Variants in IPMK observed in about 807,000 individuals in gnomAD.
The protein encoded by IPMK is inositol 1,3,4,6-tetrakisphosphate 5-kinase.
In IPMK, 17 loss-of-function variants were observed where a neutral mutation model predicts 45.8. The observed-to-expected ratio is 0.37, with a 90% CI of 0.25 to 0.56. IPMK has a LOEUF of 0.56. IPMK is among the 20% of genes least tolerant of loss of function. IPMK has a pLI of 0.79. For synonymous variants in IPMK, 180 were observed against 184.3 expected (o/e 0.98, Z 0.19); for missense variants, 399 against 498.0 (o/e 0.80, Z 1.89).
chr10:58,257,748 C>T (rs1163864360), intron 1 of IPMK, among the ~76,000 whole-genome samples: 1 of 152,032 alleles, frequency 6.6e-6, no homozygotes, highest in Non-Finnish European at 1.5e-5. Flanking sequence ...GCAATTATTG[C>T]TCATAAGAAC....
At chr10:58,252,098 T>C (rs148819804) in intron 1 of IPMK, among the ~76,000 whole-genome samples, 37 of 152,314 alleles carry the variant, frequency 2.4e-4, no homozygotes, top group African/African-American at 8.2e-4. Context: ...GATTTTTTTC[T>C]AGCAGTATGT....
At chr10:58,249,266 G>T (rs1002036958) in intron 1 of IPMK, among the ~76,000 whole-genome samples, 2 of 152,110 alleles carry the variant, frequency 1.3e-5, no homozygotes, top group African/African-American at 2.4e-5. Flanking sequence ...TGTAACACAG[G>T]CTGGACTGCA....
chr10:58,242,492 A>G (rs1188042868), intron 1 of IPMK, among the ~76,000 whole-genome samples: 1 of 151,640 alleles, frequency 6.6e-6, no homozygotes, highest in Admixed American at 6.6e-5. Flanking sequence ...AAAACAAAAG[A>G]CAAGTGTGTC....
At chr10:58,254,844 T>C (rs1157573139) in intron 1 of IPMK, among the ~76,000 whole-genome samples, 2 of 152,244 alleles carry the variant, frequency 1.3e-5, no homozygotes, top group East Asian at 1.9e-4. Context: ...AGAAGACTTA[T>C]AGTGAACATT....
intron 4 of IPMK, among the ~76,000 whole-genome samples, chr10:58,201,009 A>T (rs1475919004): frequency 1.3e-5 from 2 of 152,228 alleles, no homozygotes; most frequent in Non-Finnish European, 2.9e-5. Flanking sequence ...AAATAGAGAA[A>T]AAAAACTGTT....
intron 1 of IPMK, among the ~76,000 whole-genome samples, chr10:58,258,296 G>A (rs907997097): frequency 3.4e-5 from 5 of 148,058 alleles, no homozygotes; most frequent in African/African-American, 5.2e-5. Context: ...GCGACGGAGC[G>A]AGATTCCATC....
chr10:58,245,789 G>A (rs370988574), intron 1 of IPMK, among the ~76,000 whole-genome samples: 1 of 149,358 alleles, frequency 6.7e-6, no homozygotes, highest in Non-Finnish European at 1.5e-5. Flanking sequence ...ACATAGTGTT[G>A]AAAGTTCTGG....
At position 58,196,972 on chromosome 10, in the gene IPMK, T is replaced by G. The variant is rs531112376; in HGVS notation, c.629-274A>C. 4.6e-5 allele frequency among the ~76,000 whole-genome samples: 7 copies of G among 152,322 alleles called. No individual in the cohort carries two copies. The East Asian group carries it at 1.2e-3, about 25-fold the overall frequency. On this transcript the variant is annotated intron_variant, in intron 5 of 5. Coordinates refer to ENST00000373935, the MANE Select transcript of IPMK (RefSeq NM_152230.5). ...AAAAGGAAATTTATTACAGGTAGAC[T>G]GGTAGTTTACTTCTCTCACTATATT...
intron 2 of IPMK, among the ~76,000 whole-genome samples, chr10:58,231,281 C>T (rs970689755): frequency 6.6e-6 from 1 of 152,162 alleles, no homozygotes; most frequent in Non-Finnish European, 1.5e-5. Flanking sequence ...AGAACTTCCC[C>T]AATCTAGCAA....
chr10:58,267,377 C>A (rs754646873), intron 1 of IPMK, 45 bp downstream of exon 1: 1 of 1,597,940 alleles, frequency 6.3e-7, no homozygotes, highest in South Asian at 1.1e-5. Flanking sequence ...AGGGGGCTCG[C>A]ACAGGCGGAA....
chr10:58,213,407 G>A (rs1446122347), intron 4 of IPMK, among the ~76,000 whole-genome samples: 2 of 152,218 alleles, frequency 1.3e-5, no homozygotes, highest in Non-Finnish European at 2.9e-5. Context: ...AATAGAGGCT[G>A]GGCGCGGTGG....
intron 4 of IPMK, among the ~76,000 whole-genome samples, chr10:58,201,650 A>C (rs1459720985): frequency 6.6e-6 from 1 of 152,178 alleles, no homozygotes; most frequent in Non-Finnish European, 1.5e-5. Flanking sequence ...ATGGCCTCTA[A>C]GTGTTCAATG....
chr10:58,203,212 A>G (rs1838021942), intron 4 of IPMK, among the ~76,000 whole-genome samples: 1 of 152,214 alleles, frequency 6.6e-6, no homozygotes, highest in African/African-American at 2.4e-5. Context: ...GATGTGGTAG[A>G]AAGAGCAAGT....
At chr10:58,201,860 A>G (rs1334639077) in intron 4 of IPMK, among the ~76,000 whole-genome samples, 1 of 152,224 alleles carries the variant, frequency 6.6e-6, no homozygotes, top group African/African-American at 2.4e-5. Context: ...AGAAAGTGAA[A>G]CAGCCTTACT....
chr10:58,263,771 C>T (rs1297368831), intron 1 of IPMK, among the ~76,000 whole-genome samples: 2 of 152,188 alleles, frequency 1.3e-5, no homozygotes, highest in African/African-American at 2.4e-5. Flanking sequence ...CAAAGGGCAG[C>T]TATTGTTGGC....
At chr10:58,224,790 A>C (rs1349921261) in intron 3 of IPMK, among the ~76,000 whole-genome samples, 2 of 152,222 alleles carry the variant, frequency 1.3e-5, no homozygotes, top group African/African-American at 2.4e-5. Context: ...TAATGTCATT[A>C]GTTTTAGACT....
intron 1 of IPMK, among the ~76,000 whole-genome samples, chr10:58,267,151 C>G (rs564829921): frequency 6.6e-6 from 1 of 152,224 alleles, no homozygotes; most frequent in Non-Finnish European, 1.5e-5. Context: ...CAATCAACAC[C>G]CAACCTCCCT....
intron 1 of IPMK, among the ~76,000 whole-genome samples, chr10:58,242,038 C>T (rs936955754): frequency 1.3e-5 from 2 of 151,866 alleles, no homozygotes; most frequent in African/African-American, 4.8e-5. Flanking sequence ...TACAGTCCTA[C>T]ACATGATGCC....
In IPMK at chr10:58,193,669, C is replaced by T. The variant is rs181876022; in HGVS notation, c.*2407G>A. The T allele has an allele frequency of 1.3e-3, 198 of 151,656 alleles. No homozygotes were observed. Among genetic ancestry groups the T allele is most frequent in the African/African-American group, 4.5e-3 (188 of 41,428 alleles). 9.4% of individuals were successfully genotyped at this position (151,656 alleles called of 1,614,324 possible). ...CATAAGAAATACACTAAAATCATTA[C>T]TTATGTTTCATAGGGGAAAAAAAAC... On this transcript the variant is annotated 3_prime_UTR_variant, in exon 6 of 6. Coordinates refer to ENST00000373935, the MANE Select transcript of IPMK (RefSeq NM_152230.5).
Sources: gnomAD v4.1 joint callset for allele counts (sites outside exome capture counted in the v4.1 genomes callset) on GRCh38, gnomAD v4.1.1 for gene constraint, MANE v1.5 for transcripts, NCBI Gene and HGNC (gene_info 2026-07-23, HGNC 2026-07-21) for gene names.